Variants in PDE1C observed in about 807,000 individuals in gnomAD.
PDE1C encodes phosphodiesterase 1C, also known as dual specificity calcium/calmodulin-dependent 3',5'-cyclic nucleotide phosphodiesterase 1C.
Under a neutral mutation model 93.1 loss-of-function variants are expected in PDE1C, and 62 were observed. That is an observed-to-expected ratio of 0.67 (90% confidence interval 0.54 to 0.82). The LOEUF (loss-of-function observed/expected upper bound fraction) is 0.82. PDE1C is among the 40% of genes least tolerant of loss of function. PDE1C has a pLI of 0.00. For missense variants in PDE1C, 742 were observed against 884.6 expected (o/e 0.84, Z 2.04); for synonymous variants, 325 against 310.1 (o/e 1.05, Z -0.50).
At chr7:31,654,116 C>G in the PDE1C span, among the ~76,000 whole-genome samples, 1 of 149,306 alleles carries the variant, frequency 6.7e-6, no homozygotes, top group Non-Finnish European at 1.5e-5. Context: ...CCTCAGAAGA[C>G]AGTGTGATAA....
chr7:32,153,743 T>G (rs1801399399), intron 3 of PDE1C, among the ~76,000 whole-genome samples: 1 of 152,194 alleles, frequency 6.6e-6, no homozygotes, highest in South Asian at 2.1e-4. Context: ...ATAAAATTAT[T>G]TCAGCAAGAA....
intron 16 of PDE1C, among the ~76,000 whole-genome samples, chr7:31,777,726 CTTCTT>C (rs1783108852): frequency 6.6e-6 from 1 of 152,140 alleles, no homozygotes; most frequent in Admixed American, 6.5e-5. Context: ...TTATTCTTTC[CTTCTT>C]TTCTGGCAGC....
chr7:31,827,970 A>G (rs890563517), intron 12 of PDE1C, among the ~76,000 whole-genome samples: 35 of 152,224 alleles, frequency 2.3e-4, no homozygotes, highest in Non-Finnish European at 1.9e-4. Flanking sequence ...ACAGTCCTGC[A>G]TGCAGAATGG....
chr7:31,836,203 T>C (rs1236450550), intron 11 of PDE1C, among the ~76,000 whole-genome samples: 1 of 152,188 alleles, frequency 6.6e-6, no homozygotes, highest in Non-Finnish European at 1.5e-5. Context: ...CCTCTAGAGA[T>C]AAGGTTAGCA....
chr7:32,121,566 T>C (rs1366002114), intron 3 of PDE1C, among the ~76,000 whole-genome samples: 1 of 152,136 alleles, frequency 6.6e-6, no homozygotes, highest in Non-Finnish European at 1.5e-5. Context: ...CAGAAAAAAT[T>C]GGGGGCCAAT....
chr7:31,954,934 G>A (rs773849970), intron 2 of PDE1C, among the ~76,000 whole-genome samples: 3 of 152,278 alleles, frequency 2.0e-5, no homozygotes, highest in Non-Finnish European at 2.9e-5. Context: ...ACTTGCTTTC[G>A]TCAAGGCTCG....
At chr7:31,836,422 T>C (rs375826336) in intron 11 of PDE1C, among the ~76,000 whole-genome samples, 22 of 152,106 alleles carry the variant, frequency 1.4e-4, no homozygotes, top group African/African-American at 5.1e-4. Context: ...GCAACCTCCA[T>C]CTCCTGGGTT....
At chr7:31,908,489 T>C (rs905657671) in intron 2 of PDE1C, among the ~76,000 whole-genome samples, 2 of 152,188 alleles carry the variant, frequency 1.3e-5, no homozygotes, top group Non-Finnish European at 2.9e-5. Context: ...TGTGCTGTCA[T>C]GGTCAGTTTG....
chr7:32,416,566 C>A (rs1262089320), intron 1 of PDE1C, among the ~76,000 whole-genome samples: 1 of 152,102 alleles, frequency 6.6e-6, no homozygotes, highest in Non-Finnish European at 1.5e-5. Context: ...ACTATACATA[C>A]AATTTCATCA....
intron 3 of PDE1C, among the ~76,000 whole-genome samples, chr7:32,124,426 A>G (rs534015723): frequency 4.6e-5 from 7 of 152,348 alleles, no homozygotes; most frequent in African/African-American, 1.7e-4. Context: ...AAAAAGCTGG[A>G]TGCATCATGC....
chr7:32,258,300 C>G (rs780014961), intron 1 of PDE1C, among the ~76,000 whole-genome samples: 1 of 152,208 alleles, frequency 6.6e-6, no homozygotes, highest in Non-Finnish European at 1.5e-5. Context: ...TAACTTATAT[C>G]CTAGCCAAAG....
At chr7:31,987,582 C>G (rs375109135) in intron 2 of PDE1C, among the ~76,000 whole-genome samples, 2 of 151,292 alleles carry the variant, frequency 1.3e-5, no homozygotes, top group African/African-American at 4.9e-5. Context: ...CTCTGAAAAG[C>G]ACCCAGGTGA....
intron 1 of PDE1C, among the ~76,000 whole-genome samples, chr7:32,350,562 A>C (rs1240329573): frequency 0.091 from 46 of 504 alleles, 22 homozygotes; most frequent in Admixed American, 0.22. Flanking sequence ...ATATATATAT[A>C]TATATATATA....
intron 17 of PDE1C, among the ~76,000 whole-genome samples, chr7:31,772,661 C>T (rs10246504): frequency 0.088 from 13,372 of 152,106 alleles, 1,372 homozygotes; most frequent in African/African-American, 0.24. Context: ...CCATCTTGAC[C>T]GGAATTCACA....
At chr7:32,318,940 G>T (rs972596402) in intron 1 of PDE1C, among the ~76,000 whole-genome samples, 7 of 152,288 alleles carry the variant, frequency 4.6e-5, no homozygotes, top group Admixed American at 4.6e-4. Flanking sequence ...CTCCGCAATG[G>T]CTGAAATCAG....
chr7:31,676,653 A>G, the PDE1C span, among the ~76,000 whole-genome samples: 34 of 152,250 alleles, frequency 2.2e-4, no homozygotes, highest in Middle Eastern at 3.4e-3. Flanking sequence ...CTAGAAGAAA[A>G]ACAAAGCAAA....
the PDE1C span, chr7:31,697,088 C>T: frequency 6.2e-7 from 1 of 1,614,076 alleles, no homozygotes; most frequent in Non-Finnish European, 8.5e-7. Flanking sequence ...AAAGACACAC[C>T]TGCCCTGCAC....
the PDE1C span, among the ~76,000 whole-genome samples, chr7:31,679,845 G>C: frequency 6.6e-6 from 1 of 152,172 alleles, no homozygotes; most frequent in African/African-American, 2.4e-5. Flanking sequence ...TGGGGATTAG[G>C]CTTGGTTCCT....
chr7:32,330,880 A>G (rs1376282), intron 1 of PDE1C, among the ~76,000 whole-genome samples: 11,451 of 152,244 alleles, frequency 0.075, 495 homozygotes, highest in Non-Finnish European at 0.092. Context: ...GAGTTTTCCA[A>G]TGAAAACAAC....
Sources: gnomAD v4.1 joint callset for allele counts (sites outside exome capture counted in the v4.1 genomes callset) on GRCh38, gnomAD v4.1.1 for gene constraint, MANE v1.5 for transcripts, NCBI Gene and HGNC (gene_info 2026-07-23, HGNC 2026-07-21) for gene names.